Variants in PCDHGB5 observed in about 807,000 individuals in gnomAD.
The protein encoded by PCDHGB5 is protocadherin gamma-B5.
PCDHGB5 carries 48 observed loss-of-function variants against 62.9 expected under a neutral mutation model. The ratio of observed to expected loss-of-function variants is 0.76; its 90% CI spans 0.61 to 0.97. The LOEUF (loss-of-function observed/expected upper bound fraction) is 0.97, where lower values mean the gene tolerates loss of function less well. PCDHGB5 is among the 50% of genes least tolerant of loss of function. PCDHGB5 has a pLI of 0.00. For missense variants in PCDHGB5, 1,118 were observed against 1,198.6 expected, an observed-to-expected ratio of 0.93 and a Z score of 0.99; for synonymous variants, 474 against 511.2, an observed-to-expected ratio of 0.93 and a Z score of 0.98.
chr5:141,509,979 T>C (rs908103989), intron 3 of PCDHGB5, among the ~76,000 whole-genome samples: 4 of 152,204 alleles, frequency 2.6e-5, no homozygotes, highest in African/African-American at 7.2e-5. Context: ...CTTCTAACAC[T>C]TGGTTCCCTC....
intron 1 of PCDHGB5, among the ~76,000 whole-genome samples, chr5:141,434,384 G>T (rs980455943): frequency 2.6e-5 from 4 of 152,208 alleles, no homozygotes; most frequent in African/African-American, 4.8e-5. Context: ...CCCAAAACTG[G>T]CCATAAACAA....
In PCDHGB5 at chr5:141,491,219, C is replaced by T; in HGVS notation, c.2398-3588C>T. ...GGTGACCCTTCACTCTCCTCCACAG[C>T]CACAGTGCTGCTGGTTCTGGAGGAT... is the stretch of plus-strand genomic sequence containing the variant. On this transcript the variant is annotated intron_variant, in intron 1 of 3. Coordinates refer to ENST00000617380, the MANE Select transcript of PCDHGB5 (RefSeq NM_018925.3). The surrounding 1 kb of genome is among the most constrained non-coding windows in gnomAD (Gnocchi z 6.9). 3 of 1,614,208 alleles carry T rather than the reference C, an allele frequency of 1.9e-6. No homozygotes were observed. The highest frequency in any genetic ancestry group is 2.5e-6 in the Non-Finnish European group (3 of 1,180,028).
At chr5:141,502,203 C>G (rs1562205141) in intron 2 of PCDHGB5, among the ~76,000 whole-genome samples, 1 of 152,122 alleles carries the variant, frequency 6.6e-6, no homozygotes. Context: ...ATAGAATCCA[C>G]CAGCAGATTT....
chr5:141,475,740 A>G (rs942793010), intron 1 of PCDHGB5, among the ~76,000 whole-genome samples: 4 of 152,280 alleles, frequency 2.6e-5, no homozygotes, highest in Non-Finnish European at 5.9e-5. Flanking sequence ...TCCCTAAGGT[A>G]GGTTTCCTAT....
chr5:141,501,335 C>CA (rs2099808433), intron 2 of PCDHGB5, among the ~76,000 whole-genome samples: 1 of 135,634 alleles, frequency 7.4e-6, no homozygotes, highest in Non-Finnish European at 1.6e-5. Context: ...ACACACACAC[C>CA]CCAAACTCAA....
chr5:141,496,467 T>A (rs1334392771), intron 2 of PCDHGB5, among the ~76,000 whole-genome samples: 1 of 152,056 alleles, frequency 6.6e-6, no homozygotes, highest in Non-Finnish European at 1.5e-5. Context: ...GAGTTATCTT[T>A]CCCCCATCCT....
rs2093974471 is a variant in PCDHGB5, at chr5:141,400,163, ACC to A, written c.2040_2041del (p.Gln681GlyfsTer2). On this transcript the variant is annotated frameshift_variant, in exon 1 of 4. Coordinates refer to ENST00000617380, the MANE Select transcript of PCDHGB5 (RefSeq NM_018925.3). LOFTEE classifies it high-confidence loss of function. ...ATCACTGACCGCCCTGTACCCTCTG[ACC>A]CCCAGGCTGAGCTGCAGTTTTACCT... 6.2e-7 allele frequency: 1 copy of A among 1,613,712 alleles called. No individual in the cohort carries two copies.
chr5:141,415,040 C>A (rs772941952), intron 1 of PCDHGB5: 3 of 1,613,520 alleles, frequency 1.9e-6, no homozygotes, highest in Non-Finnish European at 2.5e-6. Flanking sequence ...GGACTCTTCG[C>A]GGTGGGGGAG....
At chr5:141,430,743 T>C in intron 1 of PCDHGB5, 1 of 1,498,372 alleles carries the variant, frequency 6.7e-7, no homozygotes, top group Non-Finnish European at 8.9e-7. Flanking sequence ...TGAAAATAAT[T>C]CTGGAGGAAG....
chr5:141,439,904 C>T (rs1175032042), intron 1 of PCDHGB5: 2 of 152,364 alleles, frequency 1.3e-5, no homozygotes, highest in East Asian at 1.9e-4. Context: ...GCGACTACTG[C>T]CTCCTTTCCT....
At chr5:141,418,882 C>T (rs945382775) in intron 1 of PCDHGB5, 8 of 1,613,960 alleles carry the variant, frequency 5.0e-6, no homozygotes, top group Admixed American at 1.7e-5. Flanking sequence ...TAGACGAAAA[C>T]GACAACAGCC....
In PCDHGB5 at chr5:141,485,910, G is replaced by C. The variant is rs142273728; in HGVS notation, c.2398-8897G>C. On this transcript the variant is annotated intron_variant, in intron 1 of 3. Transcript: ENST00000617380. The surrounding 1 kb of genome is among the most constrained non-coding windows in gnomAD (Gnocchi z 5.7). ...AACGCCCCAGCCTTCCAGCAATCCAGCTACAGGATTAGTGTGTTGGAGAGC... is the reference window on the plus strand; with the variant it reads ...AACGCCCCAGCCTTCCAGCAATCCACCTACAGGATTAGTGTGTTGGAGAGC... The C allele has an allele frequency of 1.2e-6, 2 of 1,614,078 alleles. No homozygotes were observed. Among genetic ancestry groups the C allele is most frequent in the African/African-American group, 2.7e-5 (2 of 74,932 alleles).
chr5:141,418,036 G>T, intron 1 of PCDHGB5: 1 of 1,614,020 alleles, frequency 6.2e-7, no homozygotes, highest in Non-Finnish European at 8.5e-7. Context: ...TTAGTGTCCT[G>T]GATGTGTCGG....
chr5:141,491,434 A>G lies in PCDHGB5; in HGVS notation c.2398-3373A>G, dbSNP rs1362196179. The G allele has an allele frequency of 6.2e-7, 1 of 1,614,032 alleles. No individual in the cohort carries two copies. ...GGACGGGGGTGGAGGGCAGTGCTGC[A>G]GGCGCCAGGACTCACCCTCCCCGGA... On this transcript the variant is annotated intron_variant, in intron 1 of 3. Coordinates refer to ENST00000617380, the MANE Select transcript of PCDHGB5 (RefSeq NM_018925.3). The surrounding 1 kb of genome is among the most constrained non-coding windows in gnomAD (Gnocchi z 6.9).
At position 141,444,152 on chromosome 5, in the gene PCDHGB5, A is replaced by ATTT. The variant is rs747671382; in HGVS notation, c.2397+43662_2397+43664dup. 1.9e-3 allele frequency among the ~76,000 whole-genome samples: 66 copies of ATTT among 33,898 alleles called. 23 individuals are homozygous for ATTT. Among genetic ancestry groups the ATTT allele is most frequent in the African/African-American group, 4.6e-3 (33 of 7,184 alleles). The allele number at this position is 33,898 out of a possible 152,430, so 22.2% of individuals were successfully genotyped here. A position where few individuals can be genotyped will look rare whatever the true frequency, so the allele number is the denominator to read the frequency against. On this transcript the variant is annotated intron_variant, in intron 1 of 3. Transcript: ENST00000617380. Reference sequence around the variant, plus strand: ...GATATGTGTCACTTGTGTGTACTGGATTTTTTTTTTTTTTTTTTTTTTTTT... The same window carrying ATTT: ...GATATGTGTCACTTGTGTGTACTGGATTTTTTTTTTTTTTTTTTTTTTTTTTTT...
At chr5:141,404,492 C>T (rs770295078) in intron 1 of PCDHGB5, 1 of 1,613,668 alleles carries the variant, frequency 6.2e-7, no homozygotes, top group African/African-American at 1.3e-5. Context: ...CACTGGTGTG[C>T]TGTATGCTCT....
At chr5:141,434,117 G>T (rs2097672674) in intron 1 of PCDHGB5, among the ~76,000 whole-genome samples, 1 of 152,126 alleles carries the variant, frequency 6.6e-6, no homozygotes, top group African/African-American at 2.4e-5. Context: ...TGGCCTTTGG[G>T]ACTCCCTTTA....
At chr5:141,427,803 G>A (rs781324396) in intron 1 of PCDHGB5, 2 of 1,511,804 alleles carry the variant, frequency 1.3e-6, no homozygotes, top group Admixed American at 1.7e-5. Context: ...GTCCGTGAGC[G>A]CACAGAGCGG....
chr5:141,450,555 C>T (rs958577638), intron 1 of PCDHGB5, among the ~76,000 whole-genome samples: 4 of 151,710 alleles, frequency 2.6e-5, no homozygotes, highest in East Asian at 1.9e-4. Flanking sequence ...GGCGCAGTCT[C>T]GGCTCACTGC....
Sources: allele counts gnomAD v4.1 joint callset (sites outside exome capture counted in the v4.1 genomes callset), GRCh38; gene constraint gnomAD v4.1.1; non-coding constraint Gnocchi (gnomAD v3.1); transcripts MANE v1.5; gene names NCBI Gene and HGNC (gene_info 2026-07-23, HGNC 2026-07-21).